The following SCMH1 variants were observed in gnomAD, a reference collection of about 807,000 sequenced individuals.
SCMH1 encodes Scm polycomb group protein homolog 1, also known as polycomb protein SCMH1.
In SCMH1, 37 loss-of-function variants were observed where a neutral mutation model predicts 70.8. The ratio of observed to expected loss-of-function variants is 0.52; its 90% CI spans 0.40 to 0.69. The LOEUF (loss-of-function observed/expected upper bound fraction) is 0.69, where lower values mean the gene tolerates loss of function less well. SCMH1 is among the 30% of genes least tolerant of loss of function. The pLI, the probability that SCMH1 is intolerant of heterozygous loss-of-function variation, is 0.00. For missense variants in SCMH1, 607 were observed against 827.3 expected, an observed-to-expected ratio of 0.73 and a Z score of 3.27; for synonymous variants, 292 against 307.4, an observed-to-expected ratio of 0.95 and a Z score of 0.52.
intron 1 of SCMH1, among the ~76,000 whole-genome samples, chr1:41,207,475 C>T (rs1655834063): frequency 1.3e-5 from 2 of 152,154 alleles, no homozygotes; most frequent in Non-Finnish European, 2.9e-5. Flanking sequence ...GGGATCAATT[C>T]AACAAGAAGA....
At chr1:41,142,745 G>A in intron 6 of SCMH1, 133 bp downstream of exon 6, 1 of 678,532 alleles carries the variant, frequency 1.5e-6, no homozygotes, top group South Asian at 1.9e-5. Flanking sequence ...CATTTTGGGT[G>A]GGCCTTTTTA....
At chr1:41,164,996 T>C (rs910743708) in intron 2 of SCMH1, among the ~76,000 whole-genome samples, 2 of 152,112 alleles carry the variant, frequency 1.3e-5, no homozygotes, top group South Asian at 4.1e-4. Context: ...ACTCCTCCTA[T>C]CTAACTATAA....
intron 6 of SCMH1, among the ~76,000 whole-genome samples, chr1:41,125,457 T>A (rs954349403): frequency 9.9e-5 from 15 of 151,918 alleles, no homozygotes; most frequent in African/African-American, 3.6e-4. Flanking sequence ...GCTCATGTGA[T>A]CCACTCATCT....
chr1:41,142,692 A>C (rs1644208268), intron 6 of SCMH1, among the ~76,000 whole-genome samples, 186 bp downstream of exon 6: 3 of 152,236 alleles, frequency 2.0e-5, no homozygotes, highest in Non-Finnish European at 2.9e-5. Flanking sequence ...GGATATCATA[A>C]GCTAATGTAG....
intron 1 of SCMH1, among the ~76,000 whole-genome samples, chr1:41,215,669 G>T (rs1467132634): frequency 3.3e-5 from 5 of 151,952 alleles, no homozygotes; most frequent in African/African-American, 1.2e-4. Flanking sequence ...AGCTTTCCTA[G>T]CTCCTTTCTC....
chr1:41,069,236 G>C lies in SCMH1; in HGVS notation c.1105+1359C>G, dbSNP rs548305414. ...ATTAAAATTATAATATCATGGAGTTGGGGTAGGGAAATATGTGTGGGTGGA... is the reference window on the plus strand; with the variant it reads ...ATTAAAATTATAATATCATGGAGTTCGGGTAGGGAAATATGTGTGGGTGGA... On this transcript the variant is annotated intron_variant, in intron 10 of 14. Transcript: ENST00000337495. Among the ~76,000 whole-genome samples the C allele has an allele frequency of 4.6e-5, 7 of 152,224 alleles. No homozygotes were observed. In the East Asian group the frequency reaches 1.2e-3, roughly 25 times the overall value.
intron 1 of SCMH1, among the ~76,000 whole-genome samples, chr1:41,189,354 T>A (rs1651089361): frequency 6.6e-6 from 1 of 152,172 alleles, no homozygotes; most frequent in South Asian, 2.1e-4. Context: ...TTTCATCATG[T>A]TGGCCAGGTT....
intron 6 of SCMH1, among the ~76,000 whole-genome samples, chr1:41,119,180 A>G (rs982303662): frequency 6.6e-6 from 1 of 152,204 alleles, no homozygotes; most frequent in Non-Finnish European, 1.5e-5. Context: ...CAGCTTTTGG[A>G]AAAAAGTATC....
chr1:41,031,421 T>C (rs535893357), intron 13 of SCMH1, among the ~76,000 whole-genome samples: 1 of 152,288 alleles, frequency 6.6e-6, no homozygotes, highest in South Asian at 2.1e-4. Context: ...TTTGCCTTCA[T>C]TCTGGGTCCC....
intron 6 of SCMH1, among the ~76,000 whole-genome samples, chr1:41,136,298 A>G (rs1437810678): frequency 6.6e-6 from 1 of 151,946 alleles, no homozygotes; most frequent in Admixed American, 6.6e-5. Context: ...TAATTTTGAC[A>G]AATAGTATTT....
At position 41,058,666 on chromosome 1, in the gene SCMH1, C is replaced by A. The variant is rs1052949618; in HGVS notation, c.1106-9776G>T. The stretch of plus-strand genomic sequence containing the variant: ...AAGTGCTGGGATTACAGGTGTGAGC[C>A]ACCATGCTCGGCCTTATTTATACAT... On this transcript the variant is annotated intron_variant, in intron 10 of 14. Coordinates refer to ENST00000337495, the Ensembl canonical transcript of SCMH1. 2.0e-5 allele frequency among the ~76,000 whole-genome samples: 3 copies of A among 152,082 alleles called. No individual in the cohort carries two copies. The East Asian group carries it at 5.8e-4, about 29-fold the overall frequency.
intron 6 of SCMH1, among the ~76,000 whole-genome samples, chr1:41,138,528 T>C (rs1391209948): frequency 1.3e-5 from 2 of 152,224 alleles, no homozygotes; most frequent in Non-Finnish European, 2.9e-5. Flanking sequence ...CTTGGCTTTT[T>C]ATTTCCCTCC....
chr1:41,095,189 T>C (rs770639869), intron 8 of SCMH1, among the ~76,000 whole-genome samples: 1 of 152,222 alleles, frequency 6.6e-6, no homozygotes, highest in Non-Finnish European at 1.5e-5. Flanking sequence ...GCTCAATAAA[T>C]GTTAGTTGAG....
At position 41,093,761 on chromosome 1, in the gene SCMH1, C is replaced by T. The variant is rs933150248; in HGVS notation, c.746-18310G>A. On this transcript the variant is annotated intron_variant, in intron 8 of 14. Coordinates refer to ENST00000337495, the Ensembl canonical transcript of SCMH1. ...ATCAAAAATACACATTAGTTGGTAT[C>T]ACCACAATCTCATCAGAAAAGTCTT... 3.3e-5 allele frequency among the ~76,000 whole-genome samples: 5 copies of T among 152,286 alleles called. No individual in the cohort carries two copies. The East Asian group carries it at 9.7e-4, about 29-fold the overall frequency.
chr1:41,211,673 C>T (rs1277276632), intron 1 of SCMH1, among the ~76,000 whole-genome samples: 3 of 152,166 alleles, frequency 2.0e-5, no homozygotes, highest in Non-Finnish European at 4.4e-5. Context: ...TGGGTATATA[C>T]CCAAAGGATT....
intron 4 of SCMH1, among the ~76,000 whole-genome samples, chr1:41,157,739 TG>T (rs1645672346): frequency 6.6e-6 from 1 of 152,196 alleles, no homozygotes; most frequent in East Asian, 1.9e-4. Flanking sequence ...TCACACTCAG[TG>T]ACTAAAGCTC....
At chr1:41,067,570 T>C (rs1655089778) in intron 10 of SCMH1, among the ~76,000 whole-genome samples, 1 of 151,838 alleles carries the variant, frequency 6.6e-6, no homozygotes, top group Admixed American at 6.6e-5. Flanking sequence ...GCATACTGTA[T>C]GATTTCAACT....
chr1:41,235,834 A>T (rs1471484297), intron 1 of SCMH1, among the ~76,000 whole-genome samples: 1 of 152,156 alleles, frequency 6.6e-6, no homozygotes, highest in Non-Finnish European at 1.5e-5. Context: ...TAATACGTGC[A>T]TGTCAAGCTT....
chr1:41,190,660 T>G (rs1651474966), intron 1 of SCMH1, among the ~76,000 whole-genome samples: 1 of 152,232 alleles, frequency 6.6e-6, no homozygotes, highest in Admixed American at 6.5e-5. Flanking sequence ...TTTTGTAGCA[T>G]GGACAGTGTG....
Sources: gnomAD v4.1 joint callset for allele counts (sites outside exome capture counted in the v4.1 genomes callset) on GRCh38, gnomAD v4.1.1 for gene constraint, MANE v1.5 for transcripts, NCBI Gene and HGNC (gene_info 2026-07-23, HGNC 2026-07-21) for gene names.